Variants in ADAM17 observed in about 807,000 individuals in gnomAD.
The protein encoded by ADAM17 is disintegrin and metalloproteinase domain-containing protein 17.
In ADAM17, 39 loss-of-function variants were observed where a neutral mutation model predicts 96.7. The observed-to-expected ratio is 0.40, with a 90% CI of 0.31 to 0.53. ADAM17 has a LOEUF of 0.53. ADAM17 is among the 20% of genes least tolerant of loss of function. The pLI is 0.44. For synonymous variants in ADAM17, 344 were observed against 359.2 expected, an observed-to-expected ratio of 0.96 and a Z score of 0.48; for missense variants, 777 against 1,013.2, an observed-to-expected ratio of 0.77 and a Z score of 3.17.
intron 17 of ADAM17, 55 bp downstream of exon 17, chr2:9,492,843 G>T: frequency 6.9e-7 from 1 of 1,446,516 alleles, no homozygotes; most frequent in Non-Finnish European, 9.5e-7. Flanking sequence ...TTACATGGTT[G>T]GAGTTGATCA....
chr2:9,494,498 A>G (rs1191986385), intron 15 of ADAM17, 139 bp downstream of exon 15: 3 of 965,378 alleles, frequency 3.1e-6, no homozygotes, highest in Non-Finnish European at 4.5e-6. Flanking sequence ...CCTCCTAAGT[A>G]ATACCCGTAG....
chr2:9,523,283 G>C lies in ADAM17; in HGVS notation c.809C>G (p.Ala270Gly), dbSNP rs1572934052. Reference protein sequence around the residue: ...DIYRNTSWDNAGFKGYGIQIE... With the variant: ...DIYRNTSWDNGGFKGYGIQIE... Reference sequence around the variant, plus strand: ...CTGTATTCCATAGCCTTTAAAACCTGCATTATCCCATGAAGTGTTCCGATA... The same window carrying C: ...CTGTATTCCATAGCCTTTAAAACCTCCATTATCCCATGAAGTGTTCCGATA... The change falls in exon 7 of 19, where the codon GCA (alanine) becomes GGA (glycine). Residue 270 changes from alanine (A) to glycine (G), a missense_variant. Around this residue, in one of 3 missense-constraint regions of ADAM17, gnomAD observed 446 missense variants for 664.7 expected, o/e 0.67. Transcript: ENST00000310823. 1 of 1,612,706 alleles carries C rather than the reference G, an allele frequency of 6.2e-7. No individual in the cohort carries two copies. The highest frequency in any genetic ancestry group is 1.1e-5 in the South Asian group (1 of 91,008).
Position 9,523,871 on chromosome 2 carries a change from T to A in ADAM17, c.754-533A>T, listed in dbSNP as rs896650353. Among the ~76,000 whole-genome samples, 11 of 151,986 alleles carry A rather than the reference T, an allele frequency of 7.2e-5. No homozygotes were observed. In the East Asian group the frequency reaches 7.8e-4, roughly 11 times the overall value. On this transcript the variant is annotated intron_variant, in intron 6 of 18. Transcript: ENST00000310823. ...AGTAAATGTATTTTTCTCTTCCTTA[T>A]GATTTTCTTTTTTTTTTTTCAAGAG...
At chr2:9,549,460 G>A (rs929636976) in intron 1 of ADAM17, among the ~76,000 whole-genome samples, 13 of 152,144 alleles carry the variant, frequency 8.5e-5, no homozygotes, top group Admixed American at 5.2e-4. Flanking sequence ...GTATATAACC[G>A]TCCCACACGT....
chr2:9,501,461 G>T (rs1479259286), intron 13 of ADAM17, among the ~76,000 whole-genome samples: 2 of 152,240 alleles, frequency 1.3e-5, no homozygotes, highest in East Asian at 3.9e-4. Flanking sequence ...TTCCTGAAGG[G>T]ACGTAGGAGG....
chr2:9,495,659 A>G (rs1662520772), intron 14 of ADAM17, among the ~76,000 whole-genome samples: 1 of 150,528 alleles, frequency 6.6e-6, no homozygotes, highest in African/African-American at 2.5e-5. Flanking sequence ...GGCTGCGGTG[A>G]CCTGAGATCG....
At chr2:9,538,973 C>T (rs1665095682) in intron 2 of ADAM17, among the ~76,000 whole-genome samples, 1 of 152,130 alleles carries the variant, frequency 6.6e-6, no homozygotes, top group African/African-American at 2.4e-5. Context: ...TCTAGACCTT[C>T]TCAAGTAATC....
chr2:9,523,077 T>C (rs1255426413), intron 7 of ADAM17, among the ~76,000 whole-genome samples, 172 bp downstream of exon 7: 1 of 152,182 alleles, frequency 6.6e-6, no homozygotes, highest in African/African-American at 2.4e-5. Context: ...CTTCACAATC[T>C]AGAACTAATT....
chr2:9,518,007 C>G lies in ADAM17; in HGVS notation c.1103-18G>C, dbSNP rs1664141738. The G allele has an allele frequency of 6.3e-7, 1 of 1,584,714 alleles. No homozygotes were observed. ...ATAATAAGCTAAAGTCAAAAGGAAA[C>G]AGAGATAAATTGCTTATTAAATACA... On this transcript the variant is annotated intron_variant, in intron 9 of 18. Transcript: ENST00000310823.
intron 1 of ADAM17, among the ~76,000 whole-genome samples, chr2:9,550,603 G>A (rs922927812): frequency 7.9e-5 from 12 of 151,368 alleles, no homozygotes; most frequent in Non-Finnish European, 1.2e-4. Context: ...GCACCACCAC[G>A]CCTGGCTAAT....
At chr2:9,551,898 A>T (rs1003214073) in intron 1 of ADAM17, among the ~76,000 whole-genome samples, 7 of 152,320 alleles carry the variant, frequency 4.6e-5, no homozygotes, top group Admixed American at 2.6e-4. Context: ...TTCCTGACTG[A>T]TTTTACATGC....
At chr2:9,511,276 C>A (rs945771402) in intron 10 of ADAM17, among the ~76,000 whole-genome samples, 4 of 152,018 alleles carry the variant, frequency 2.6e-5, no homozygotes, top group African/African-American at 9.7e-5. Flanking sequence ...TAGTAAAACC[C>A]CATCTCTACT....
intron 10 of ADAM17, among the ~76,000 whole-genome samples, chr2:9,514,599 C>G (rs1292455202): frequency 7.1e-6 from 1 of 141,184 alleles, no homozygotes; most frequent in Non-Finnish European, 1.5e-5. Flanking sequence ...TCAGGCCAGG[C>G]ACGGTGGCTC....
At chr2:9,549,369 C>T (rs1209544260) in intron 1 of ADAM17, among the ~76,000 whole-genome samples, 1 of 152,052 alleles carries the variant, frequency 6.6e-6, no homozygotes, top group Non-Finnish European at 1.5e-5. Flanking sequence ...AGTGAGACTC[C>T]ATCTCAAAAA....
chr2:9,550,903 C>CAAAAAAAAAA (rs33972062), intron 1 of ADAM17, among the ~76,000 whole-genome samples: 40 of 97,778 alleles, frequency 4.1e-4, no homozygotes, highest in Admixed American at 2.1e-3. Flanking sequence ...ACTAAAAATA[C>CAAAAAAAAAA]AAAAAAAAAA....
intron 10 of ADAM17, chr2:9,512,490 G>A (rs144853051): frequency 6.6e-6 from 1 of 152,324 alleles, no homozygotes; most frequent in East Asian, 1.9e-4. Context: ...TAATGTTGGG[G>A]TGCTTTAGGG....
chr2:9,505,423 G>A, intron 11 of ADAM17, 58 bp from the exon 12 acceptor site: 1 of 1,517,562 alleles, frequency 6.6e-7, no homozygotes, highest in Admixed American at 1.7e-5. Flanking sequence ...GTATTCCCAT[G>A]CAATGTTTGT....
intron 1 of ADAM17, 142 bp downstream of exon 1, chr2:9,555,367 C>T: frequency 4.8e-6 from 3 of 622,196 alleles, no homozygotes; most frequent in Non-Finnish European, 5.3e-6. Context: ...GAGAGCCACA[C>T]CCCCTTCTAC....
chr2:9,490,370 G>A lies in ADAM17; in HGVS notation c.2282C>T (p.Thr761Ile). ...APKLDHQRMD[T>I]IQEDPSTDSH... is the part of the protein sequence containing the mutation. The stretch of plus-strand genomic sequence containing the variant: ...GTCTGTGCTGGGGTCTTCCTGGATG[G>A]TGTCCATTCTCTGGTGGTCCAGTTT... Residue 761 changes from threonine (T) to isoleucine (I), a missense_variant, in exon 19 of 19, where the codon ACC becomes ATC. This residue lies in a region of ADAM17 where 197 missense variants were observed against 219.4 expected (regional missense o/e 0.90). Transcript: ENST00000310823. The A allele has an allele frequency of 1.2e-6, 2 of 1,614,182 alleles. No homozygotes were observed. Among genetic ancestry groups the A allele is most frequent in the Non-Finnish European group, 1.7e-6 (2 of 1,180,046 alleles).
Sources: allele counts gnomAD v4.1 joint callset (sites outside exome capture counted in the v4.1 genomes callset), GRCh38; gene constraint gnomAD v4.1.1; regional missense constraint gnomAD v4.1.1; transcripts MANE v1.5; gene names NCBI Gene and HGNC (gene_info 2026-07-23, HGNC 2026-07-21).